PYGO1: variants seen among roughly 807,000 people sequenced by gnomAD.
PYGO1 encodes the protein pygopus homolog 1.
In PYGO1, 6 loss-of-function variants were observed where a neutral mutation model predicts 29.5. The observed-to-expected ratio is 0.20, with a 90% CI of 0.11 to 0.40. The LOEUF (loss-of-function observed/expected upper bound fraction) is 0.40, where lower values mean the gene tolerates loss of function less well. Among genes scored for constraint, PYGO1 ranks in the 10% least tolerant of loss-of-function variants. The probability of loss-of-function intolerance (pLI) is 1.00; values close to 1 mark genes in which losing one functional copy is unlikely to be tolerated. For missense variants in PYGO1, 515 were observed against 514.9 expected (o/e 1.00, Z 0.00); for synonymous variants, 186 against 180.5 (o/e 1.03, Z -0.24).
At chr15:55,569,756 A>G (rs2058972898) in intron 1 of PYGO1, among the ~76,000 whole-genome samples, 1 of 152,168 alleles carries the variant, frequency 6.6e-6, no homozygotes, top group Non-Finnish European at 1.5e-5. Flanking sequence ...AGATGAGAAG[A>G]ATGTATATTC....
In PYGO1 at chr15:55,588,012, G is replaced by C. The variant is rs1306713710; in HGVS notation, c.-129C>G. The C allele has an allele frequency of 1.5e-6, 2 of 1,306,414 alleles. No homozygotes were observed. Among genetic ancestry groups the C allele is most frequent in the Non-Finnish European group, 2.0e-6 (2 of 1,023,480 alleles). 80.9% of individuals were successfully genotyped at this position (1,306,414 alleles called of 1,614,324 possible). On this transcript the variant is annotated 5_prime_UTR_variant, in exon 1 of 3. Coordinates refer to ENST00000563719, the MANE Select transcript of PYGO1 (RefSeq NM_001367806.1). Reference sequence around the variant, plus strand: ...CAAGCCTCGGAGCCGAGGCACGGCCGAGGGCGGTGGGGACGCGGGCCGACT... The same window carrying C: ...CAAGCCTCGGAGCCGAGGCACGGCCCAGGGCGGTGGGGACGCGGGCCGACT...
chr15:55,549,096 T>C, intron 1 of PYGO1, 101 bp from the exon 2 acceptor site: 1 of 909,066 alleles, frequency 1.1e-6, no homozygotes, highest in South Asian at 2.2e-5. Flanking sequence ...TGTTTTCTAT[T>C]TTCGTTAGAC....
Position 55,573,323 on chromosome 15 carries a change from AAG to A in PYGO1, c.49+14510_49+14511del, listed in dbSNP as rs371940500. Among the ~76,000 whole-genome samples, 1,069 of 152,180 alleles carry A rather than the reference AAG, an allele frequency of 7.0e-3. 13 individuals are homozygous for A. The highest frequency in any genetic ancestry group is 0.024 in the African/African-American group (1,011 of 41,490). The stretch of plus-strand genomic sequence containing the variant: ...TCCATCTCAAAAAAGGAAAAAAAAA[AAG>A]AGAGACAAGAGATAGCAAGTGTTGG... On this transcript the variant is annotated intron_variant, in intron 1 of 2. Coordinates refer to ENST00000563719, the MANE Select transcript of PYGO1 (RefSeq NM_001367806.1).
rs2059059155 is a variant in PYGO1 at position 55,588,293 on chromosome 15, A to G, written c.-410T>C. ...GGCCCGGCCCTGGCGGCACACTCACAGCGCCCTCTGAGGAGGAGGTCTGCT... is the reference window on the plus strand; with the variant it reads ...GGCCCGGCCCTGGCGGCACACTCACGGCGCCCTCTGAGGAGGAGGTCTGCT... On this transcript the variant is annotated 5_prime_UTR_variant, in exon 1 of 3. Transcript: ENST00000563719. Among the ~76,000 whole-genome samples, 1 of 148,326 alleles carries G rather than the reference A, an allele frequency of 6.7e-6. No homozygotes were observed.
At chr15:55,558,402 G>A (rs533794866) in intron 1 of PYGO1, among the ~76,000 whole-genome samples, 165 of 152,006 alleles carry the variant, frequency 1.1e-3, no homozygotes, top group African/African-American at 3.7e-3. Flanking sequence ...AATCAATATC[G>A]TGAAAATGGC....
chr15:55,548,996 C>CA lies in PYGO1; in HGVS notation c.50-2_50-1insT. ...AACCCATCCAGTCCACTATCACCAC[C>CA]TAAAAAAAAAAAAATTCAGGTAATA... On this transcript the variant is annotated splice_acceptor_variant, in intron 1 of 2. Coordinates refer to ENST00000563719, the MANE Select transcript of PYGO1 (RefSeq NM_001367806.1). LOFTEE classifies it high-confidence loss of function. 1 of 1,587,474 alleles carries CA rather than the reference C, an allele frequency of 6.3e-7. No individual in the cohort carries two copies. Among genetic ancestry groups the CA allele is most frequent in the African/African-American group, 1.4e-5 (1 of 72,864 alleles).
intron 1 of PYGO1, among the ~76,000 whole-genome samples, chr15:55,585,785 T>C (rs985029820): frequency 2.0e-5 from 3 of 152,330 alleles, no homozygotes; most frequent in Admixed American, 1.3e-4. Flanking sequence ...AGGTATAAAC[T>C]TGATAGCTCT....
chr15:55,585,704 T>C (rs1203814889), intron 1 of PYGO1, among the ~76,000 whole-genome samples: 2 of 152,242 alleles, frequency 1.3e-5, no homozygotes, highest in Admixed American at 6.5e-5. Context: ...ATCTGTGTTC[T>C]TGACCCACAA....
intron 1 of PYGO1, among the ~76,000 whole-genome samples, chr15:55,568,454 A>G (rs896062673): frequency 3.3e-5 from 5 of 151,620 alleles, no homozygotes; most frequent in African/African-American, 1.2e-4. Context: ...TTGATTTTGT[A>G]TCTTGAAACC....
At chr15:55,575,659 T>C (rs1007792563) in intron 1 of PYGO1, among the ~76,000 whole-genome samples, 2 of 152,210 alleles carry the variant, frequency 1.3e-5, no homozygotes, top group African/African-American at 2.4e-5. Flanking sequence ...GCCTGATGTC[T>C]ACTATCCTGC....
At chr15:55,557,555 G>C (rs1321635520) in intron 1 of PYGO1, among the ~76,000 whole-genome samples, 3 of 152,164 alleles carry the variant, frequency 2.0e-5, no homozygotes, top group Non-Finnish European at 4.4e-5. Flanking sequence ...GAGAATTTTA[G>C]ACCAATCTCC....
At chr15:55,577,821 A>G (rs1327577206) in intron 1 of PYGO1, among the ~76,000 whole-genome samples, 1 of 140,938 alleles carries the variant, frequency 7.1e-6, no homozygotes, top group Non-Finnish European at 1.5e-5. Context: ...GCAGGAGTGC[A>G]GTGGCACAAT....
intron 1 of PYGO1, among the ~76,000 whole-genome samples, chr15:55,565,866 C>T (rs1383145354): frequency 6.6e-6 from 1 of 152,186 alleles, no homozygotes; most frequent in Non-Finnish European, 1.5e-5. Flanking sequence ...ACTGCAACCT[C>T]CAACTCCTTG....
rs896716348 is a variant in PYGO1 at position 55,544,979 on chromosome 15, G to A, written c.*1044C>T. 7.2e-5 allele frequency: 11 copies of A among 152,254 alleles called. No homozygotes were observed. The highest frequency in any genetic ancestry group is 2.4e-4 in the African/African-American group (10 of 41,556). The allele number at this position is 152,254 out of a possible 1,614,324, so 9.4% of individuals were successfully genotyped here. On this transcript the variant is annotated 3_prime_UTR_variant, in exon 3 of 3. Transcript: ENST00000563719. ...GCTGCAAGGCTTCAAATTGTTGTTTGCAAGTTAGATTTCACTTTGGCTCTT... is the reference window on the plus strand; with the variant it reads ...GCTGCAAGGCTTCAAATTGTTGTTTACAAGTTAGATTTCACTTTGGCTCTT...
intron 1 of PYGO1, among the ~76,000 whole-genome samples, chr15:55,565,316 T>A (rs529723288): frequency 2.6e-5 from 4 of 152,188 alleles, no homozygotes; most frequent in African/African-American, 9.6e-5. Context: ...GCCCACTGAT[T>A]CACCAGAGGA....
intron 1 of PYGO1, among the ~76,000 whole-genome samples, chr15:55,554,745 G>T (rs1472827321): frequency 2.6e-5 from 4 of 152,028 alleles, no homozygotes; most frequent in Non-Finnish European, 4.4e-5. Flanking sequence ...GTCAACAGCA[G>T]AACAGACCAA....
chr15:55,587,226 G>C (rs1474148754), intron 1 of PYGO1, among the ~76,000 whole-genome samples: 1 of 152,202 alleles, frequency 6.6e-6, no homozygotes, highest in Admixed American at 6.5e-5. Flanking sequence ...CCTAACCAGT[G>C]CGCAAGAAAG....
intron 1 of PYGO1, among the ~76,000 whole-genome samples, chr15:55,584,106 C>CTTTT (rs61436067): frequency 8.1e-6 from 1 of 123,156 alleles, no homozygotes; most frequent in Non-Finnish European, 1.7e-5. Flanking sequence ...GGTGTCATAC[C>CTTTT]TTTTTTTTTT....
At chr15:55,567,791 G>A (rs1455272470) in intron 1 of PYGO1, among the ~76,000 whole-genome samples, 1 of 152,018 alleles carries the variant, frequency 6.6e-6, no homozygotes, top group Non-Finnish European at 1.5e-5. Flanking sequence ...GATAGGTATG[G>A]GTCCATTTTC....
Sources: gnomAD v4.1 joint callset for allele counts (sites outside exome capture counted in the v4.1 genomes callset) on GRCh38, gnomAD v4.1.1 for gene constraint, MANE v1.5 for transcripts, NCBI Gene and HGNC (gene_info 2026-07-23, HGNC 2026-07-21) for gene names.